Variants in SIAH2 observed in about 807,000 individuals in gnomAD.
SIAH2 encodes the protein siah E3 ubiquitin protein ligase 2.
In SIAH2, 4 loss-of-function variants were observed where a neutral mutation model predicts 20.4. The ratio of observed to expected loss-of-function variants is 0.20; its 90% confidence interval spans 0.10 to 0.45. The LOEUF (loss-of-function observed/expected upper bound fraction) is 0.45. Ranked by LOEUF, SIAH2 falls within the 20% of genes least tolerant of loss-of-function variation. SIAH2 has a pLI of 0.99. For synonymous variants in SIAH2, 171 were observed against 192.5 expected (o/e 0.89, Z 0.93); for missense variants, 259 against 440.3 (o/e 0.59, Z 3.69).
At chr3:150,744,113 C>T (rs7615125) in intron 1 of SIAH2, among the ~76,000 whole-genome samples, 19,392 of 151,960 alleles carry the variant, frequency 0.13, 2,544 homozygotes, top group East Asian at 0.33. Context: ...TTCTAACCTT[C>T]ATAGATGAAT....
chr3:150,759,917 C>T (rs566627159), intron 1 of SIAH2, among the ~76,000 whole-genome samples: 1 of 152,244 alleles, frequency 6.6e-6, no homozygotes, highest in South Asian at 2.1e-4. Context: ...GAGATGTGGG[C>T]TCTGGTACTT....
chr3:150,742,743 T>G lies in SIAH2; in HGVS notation c.418-45A>C. 9 of 1,476,940 alleles carry G rather than the reference T, an allele frequency of 6.1e-6. No individual in the cohort carries two copies. The highest frequency in any genetic ancestry group is 8.2e-6 in the Non-Finnish European group (9 of 1,100,814). 91.5% of individuals were successfully genotyped at this position (1,476,940 alleles called of 1,614,324 possible). A position where few individuals can be genotyped will look rare whatever the true frequency, so the allele number is the denominator to read the frequency against. ...TTGAGCCATTGGGCCTTCTCAAAAC[T>G]TCTATTGCTTCAACCCTCTATGAGT... is the stretch of plus-strand genomic sequence containing the variant. On this transcript the variant is annotated intron_variant, in intron 1 of 1. Coordinates refer to ENST00000312960, the MANE Select transcript of SIAH2 (RefSeq NM_005067.7). This position sits in a 1 kb window ranked among gnomAD's most constrained non-coding sequence, Gnocchi z 4.8.
Position 150,741,434 on chromosome 3 carries a change from A to C in SIAH2, c.*707T>G, listed in dbSNP as rs1472719302. ...AAATCTCAGGCGTGCGTTCATGTGGATCTATAGTTCTAGTTTTAATTTGAG... is the reference window on the plus strand; with the variant it reads ...AAATCTCAGGCGTGCGTTCATGTGGCTCTATAGTTCTAGTTTTAATTTGAG... On this transcript the variant is annotated 3_prime_UTR_variant, in exon 2 of 2. Transcript: ENST00000312960. The C allele has an allele frequency of 6.6e-6, 1 of 152,662 alleles. No individual in the cohort carries two copies. Among genetic ancestry groups the C allele is most frequent in the East Asian group, 1.9e-4 (1 of 5,204 alleles). 9.5% of individuals were successfully genotyped at this position (152,662 alleles called of 1,614,324 possible). A position where few individuals can be genotyped will look rare whatever the true frequency, so the allele number is the denominator to read the frequency against.
In SIAH2 at chr3:150,762,165, C is replaced by T; in HGVS notation, c.417+268G>A. 1 of 523,820 alleles carries T rather than the reference C, an allele frequency of 1.9e-6. No homozygotes were observed. 32.4% of individuals were successfully genotyped at this position (523,820 alleles called of 1,614,324 possible). A position where few individuals can be genotyped will look rare whatever the true frequency, so the allele number is the denominator to read the frequency against. The stretch of plus-strand genomic sequence containing the variant: ...AATACACGTCTGCAGAGGACGCGGG[C>T]ATTGGGCCGGGTGAGCTACGATGTT... On this transcript the variant is annotated intron_variant, in intron 1 of 1. Coordinates refer to ENST00000312960, the MANE Select transcript of SIAH2 (RefSeq NM_005067.7). The surrounding 1 kb of genome is among the most constrained non-coding windows in gnomAD (Gnocchi z 6.6).
chr3:150,743,692 C>T (rs570834673), intron 1 of SIAH2, among the ~76,000 whole-genome samples: 6 of 152,222 alleles, frequency 3.9e-5, no homozygotes, highest in South Asian at 2.1e-4. Flanking sequence ...TCATACCTGC[C>T]GTGGCAAAAG....
chr3:150,752,143 A>G (rs1215471628), intron 1 of SIAH2, among the ~76,000 whole-genome samples: 1 of 152,234 alleles, frequency 6.6e-6, no homozygotes, highest in Non-Finnish European at 1.5e-5. Context: ...CCATGTGACC[A>G]GTACCACACC....
At position 150,753,519 on chromosome 3, in the gene SIAH2, G is replaced by A. The variant is rs975837618; in HGVS notation, c.417+8914C>T. 3.3e-5 allele frequency among the ~76,000 whole-genome samples: 5 copies of A among 152,202 alleles called. No homozygotes were observed. The East Asian group carries it at 5.8e-4, about 18-fold the overall frequency. ...TCAAAAAGCTTCAATTTCTCAGGCCGGGTGTGGCGGCTCATGCCTGTAATC... is the reference window on the plus strand; with the variant it reads ...TCAAAAAGCTTCAATTTCTCAGGCCAGGTGTGGCGGCTCATGCCTGTAATC... On this transcript the variant is annotated intron_variant, in intron 1 of 1. Coordinates refer to ENST00000312960, the MANE Select transcript of SIAH2 (RefSeq NM_005067.7).
Position 150,762,703 on chromosome 3 carries a change from G to A in SIAH2, c.147C>T (p.Pro49=), listed in dbSNP as rs575079833. Residue 49 remains proline (P), a synonymous_variant, in exon 1 of 2, where the codon CCC becomes CCT. Transcript: ENST00000312960. The surrounding 1 kb of genome is among the most constrained non-coding windows in gnomAD (Gnocchi z 6.6). ...GGCCCGAGATCACCGCCGCCGCGGC[G>A]GGCACCGCGGACGAGCCGGGGCCCG... ...SAAGPGSSAV[P]AAAAVISGPG... is the part of the protein sequence containing the mutation. 5.9e-4 allele frequency: 740 copies of A among 1,259,176 alleles called. 7 individuals carry two copies. In the African/African-American group the frequency reaches 0.011, roughly 19 times the overall value. The allele number at this position is 1,259,176 out of a possible 1,614,324, so 78.0% of individuals were successfully genotyped here. A position where few individuals can be genotyped will look rare whatever the true frequency, so the allele number is the denominator to read the frequency against.
chr3:150,761,968 G>A (rs1048136221), intron 1 of SIAH2: 1 of 163,058 alleles, frequency 6.1e-6, no homozygotes, highest in Non-Finnish European at 1.3e-5. Context: ...CACGTGTCAG[G>A]GGTGCGCAGA....
intron 1 of SIAH2, among the ~76,000 whole-genome samples, chr3:150,743,061 C>A (rs1714130802): frequency 1.3e-5 from 2 of 152,192 alleles, no homozygotes; most frequent in Admixed American, 6.5e-5. Flanking sequence ...TTAAAGAATT[C>A]AATTGCTTGG....
rs973080041 is a variant in SIAH2 at position 150,762,785 on chromosome 3, T to TGCG, written c.62_64dup (p.Pro21dup). 2.8e-5 allele frequency: 34 copies of TGCG among 1,216,518 alleles called. No homozygotes were observed. Among genetic ancestry groups the TGCG allele is most frequent in the Non-Finnish European group, 3.5e-5 (34 of 966,156 alleles). 75.4% of individuals were successfully genotyped at this position (1,216,518 alleles called of 1,614,324 possible). A position where few individuals can be genotyped will look rare whatever the true frequency, so the allele number is the denominator to read the frequency against. Reference sequence around the variant, plus strand: ...AGCCGGGGACGGAGTGTGCTGGGGCTGCGGCGGCGGCTGCTTGCTGCAGGG... The same window carrying TGCG: ...AGCCGGGGACGGAGTGTGCTGGGGCTGCGGCGGCGGCGGCTGCTTGCTGCAGGG... On this transcript the variant is annotated inframe_insertion, in exon 1 of 2. Coordinates refer to ENST00000312960, the MANE Select transcript of SIAH2 (RefSeq NM_005067.7). The surrounding 1 kb of genome is among the most constrained non-coding windows in gnomAD (Gnocchi z 6.6).
At chr3:150,750,225 C>T (rs150260447) in intron 1 of SIAH2, among the ~76,000 whole-genome samples, 1 of 152,144 alleles carries the variant, frequency 6.6e-6, no homozygotes, top group Non-Finnish European at 1.5e-5. Context: ...AAAATGTTTA[C>T]CTGCCCCACA....
chr3:150,760,271 C>G (rs182247926), intron 1 of SIAH2, among the ~76,000 whole-genome samples: 5 of 152,344 alleles, frequency 3.3e-5, no homozygotes, highest in Admixed American at 2.6e-4. Context: ...CACACACATG[C>G]ACACACAAAA....
chr3:150,759,670 T>C (rs1714561612), intron 1 of SIAH2, among the ~76,000 whole-genome samples: 1 of 151,802 alleles, frequency 6.6e-6, no homozygotes, highest in Admixed American at 6.6e-5. Context: ...TTAACCACTC[T>C]GTAGGCATGA....
chr3:150,762,406 A>C lies in SIAH2; in HGVS notation c.417+27T>G. 6.3e-7 allele frequency: 1 copy of C among 1,588,426 alleles called. No homozygotes were observed. The highest frequency in any genetic ancestry group is 8.6e-7 in the Non-Finnish European group (1 of 1,169,468). On this transcript the variant is annotated intron_variant, in intron 1 of 1. Transcript: ENST00000312960. This position sits in a 1 kb window ranked among gnomAD's most constrained non-coding sequence, Gnocchi z 6.6. ...CCGGAGTCCCTGAGGTCACCGGCGGAGGTACGTGGGCTGTCCCTGGGCTTA... is the reference window on the plus strand; with the variant it reads ...CCGGAGTCCCTGAGGTCACCGGCGGCGGTACGTGGGCTGTCCCTGGGCTTA...
intron 1 of SIAH2, among the ~76,000 whole-genome samples, chr3:150,760,098 G>A (rs910724260): frequency 2.0e-5 from 3 of 152,208 alleles, no homozygotes; most frequent in African/African-American, 7.2e-5. Flanking sequence ...ACGGCTCTCT[G>A]TTGTTTCTCA....
chr3:150,743,594 A>G (rs548792599), intron 1 of SIAH2, among the ~76,000 whole-genome samples: 6 of 152,338 alleles, frequency 3.9e-5, no homozygotes, highest in African/African-American at 1.4e-4. Flanking sequence ...TGACATGATC[A>G]GTCTGCCCCT....
chr3:150,759,607 G>C (rs372466482), intron 1 of SIAH2, among the ~76,000 whole-genome samples: 1 of 152,030 alleles, frequency 6.6e-6, no homozygotes, highest in South Asian at 2.1e-4. Context: ...TGAGATGCAG[G>C]TGCTTGGACT....
At position 150,742,600 on chromosome 3, in the gene SIAH2, A is replaced by C; in HGVS notation, c.516T>G (p.Gly172=). The change falls in exon 2 of 2, where the codon GGT becomes GGG. Residue 172 remains glycine (G), a synonymous_variant. Transcript: ENST00000312960. The surrounding 1 kb of genome is among the most constrained non-coding windows in gnomAD (Gnocchi z 4.8). ...EYRPYSCPCP[G]ASCKWQGSLE... The stretch of plus-strand genomic sequence containing the variant: ...GGGACCCCTGCCACTTGCAGGAAGC[A>C]CCAGGACATGGGCAGGAGTAGGGAC... 6.2e-7 allele frequency: 1 copy of C among 1,613,236 alleles called. No homozygotes were observed. Among genetic ancestry groups the C allele is most frequent in the South Asian group, 1.1e-5 (1 of 90,882 alleles).
Sources: allele counts gnomAD v4.1 joint callset (sites outside exome capture counted in the v4.1 genomes callset), GRCh38; gene constraint gnomAD v4.1.1; non-coding constraint Gnocchi (gnomAD v3.1); transcripts MANE v1.5; gene names NCBI Gene and HGNC (gene_info 2026-07-23, HGNC 2026-07-21).